The following MAGED1 variants were observed in gnomAD, a reference collection of about 807,000 sequenced individuals.
MAGED1 encodes MAGE family member D1, also known as melanoma-associated antigen D1.
MAGED1 carries 3 observed loss-of-function variants against 54.1 expected under a neutral mutation model. The observed-to-expected ratio is 0.06, with a 90% CI of 0.03 to 0.14. MAGED1 has a LOEUF of 0.14. Among genes scored for constraint, MAGED1 ranks in the 10% least tolerant of loss-of-function variants. The pLI is 1.00. For synonymous variants in MAGED1, 217 were observed against 227.3 expected (o/e 0.95, Z 0.41); for missense variants, 485 against 623.4 (o/e 0.78, Z 2.36).
intron 1 of MAGED1, among the ~76,000 whole-genome samples, chrX:51,855,403 G>C (rs1391847035): frequency 9.0e-6 from 1 of 110,898 alleles, no homozygotes; most frequent in Non-Finnish European, 1.9e-5. Flanking sequence ...TGTATCATTT[G>C]CTAGGACTGT....
intron 1 of MAGED1, among the ~76,000 whole-genome samples, chrX:51,826,977 C>T (rs1925872342): frequency 8.9e-6 from 1 of 112,414 alleles, no homozygotes; most frequent in Non-Finnish European, 1.9e-5. Context: ...TAGAAACAAT[C>T]AAGATGTCCT....
chrX:51,880,532 G>A (rs782418374), intron 1 of MAGED1, among the ~76,000 whole-genome samples: 9 of 111,674 alleles, frequency 8.1e-5, no homozygotes, highest in South Asian at 3.8e-4. Context: ...CCTGCATACC[G>A]GAGTTTGTCA....
intron 1 of MAGED1, among the ~76,000 whole-genome samples, chrX:51,824,171 C>T (rs1335164435): frequency 9.0e-6 from 1 of 111,601 alleles, no homozygotes; most frequent in African/African-American, 3.3e-5. Flanking sequence ...GACTGAAGGA[C>T]TTCCTTTAGT....
At chrX:51,868,586 T>A (rs1223408095) in intron 1 of MAGED1, among the ~76,000 whole-genome samples, 1 of 111,504 alleles carries the variant, frequency 9.0e-6, no homozygotes, top group Non-Finnish European at 1.9e-5. Flanking sequence ...GAGATCAGAA[T>A]GTATGTGACA....
chrX:51,894,856 CT>C, intron 2 of MAGED1, 196 bp from the exon 3 acceptor site: 2 of 1,083,955 alleles, frequency 1.8e-6, no homozygotes, highest in Non-Finnish European at 1.2e-6. Context: ...TACTTCACCC[CT>C]GCCACATGTT....
Position 51,897,026 on chromosome X carries a change from A to G in MAGED1, c.1371A>G (p.Ser457=), listed in dbSNP as rs781885812. The G allele has an allele frequency of 8.3e-6, 10 of 1,211,433 alleles. No homozygotes were observed. In the South Asian group the frequency reaches 1.6e-4, roughly 19 times the overall value. ...GCCCTTCTCCCAACTCGCGTGCCTC[A>G]CAGAACCCAGGTGCTGCACAGCCCC... The part of the protein sequence containing the change: ...NLRPSPNSRA[S]QNPGAAQPRD... The change falls in exon 4 of 13, where the codon TCA becomes TCG. Residue 457 remains serine (S), a synonymous_variant. Transcript: ENST00000326587.
chrX:51,828,086 T>A (rs1253876234), intron 1 of MAGED1, among the ~76,000 whole-genome samples: 2 of 112,299 alleles, frequency 1.8e-5, no homozygotes, highest in African/African-American at 6.5e-5. Context: ...TGGAATTGTG[T>A]TTATATGGCT....
chrX:51,875,110 T>C (rs969084543), intron 1 of MAGED1, among the ~76,000 whole-genome samples: 1 of 111,371 alleles, frequency 9.0e-6, no homozygotes, highest in African/African-American at 3.3e-5. Context: ...TTTTCCACTT[T>C]AGCTGGTGAG....
At chrX:51,876,230 C>G (rs2049457969) in intron 1 of MAGED1, among the ~76,000 whole-genome samples, 1 of 108,959 alleles carries the variant, frequency 9.2e-6, no homozygotes, top group Non-Finnish European at 1.9e-5. Context: ...GATGGTCTTT[C>G]TTTCTTTTTT....
At chrX:51,812,734 G>A (rs1008775390) in intron 1 of MAGED1, among the ~76,000 whole-genome samples, 4 of 110,903 alleles carry the variant, frequency 3.6e-5, no homozygotes, top group Middle Eastern at 4.7e-3. Context: ...TCTGGTATAC[G>A]TTTTTGTGCA....
Position 51,901,784 on chromosome X carries a change from C to T in MAGED1, c.2191C>T (p.Pro731Ser). The stretch of plus-strand genomic sequence containing the variant: ...TTTTGGAGATCCCTGGTCCAGAATT[C>T]CATTTACCTTCTGGGCCAGATACCA... ...GDFGDPWSRI[P>S]FTFWARYHQN... Residue 731 changes from proline to serine, a missense_variant, in exon 12 of 13, where the codon CCA becomes TCA. By Grantham distance (74) the Pro-to-Ser change is moderately conservative. Coordinates refer to ENST00000326587, the MANE Select transcript of MAGED1 (RefSeq NM_006986.4). 3 of 1,211,539 alleles carry T rather than the reference C, an allele frequency of 2.5e-6. No homozygotes were observed. Among genetic ancestry groups the T allele is most frequent in the Non-Finnish European group, 3.4e-6 (3 of 895,485 alleles).
intron 1 of MAGED1, among the ~76,000 whole-genome samples, chrX:51,831,116 CA>C (rs782429983): frequency 2.7e-5 from 3 of 112,014 alleles, no homozygotes; most frequent in Non-Finnish European, 5.6e-5. Context: ...CTCGGCCTTC[CA>C]AAGTGCTGGG....
chrX:51,889,515 T>C (rs782781742), upstream of MAGED1, among the ~76,000 whole-genome samples: 9 of 106,339 alleles, frequency 8.5e-5, no homozygotes, highest in East Asian at 2.4e-3. Context: ...GTAATCCCAG[T>C]TACTCGGGAG....
At chrX:51,848,187 G>A (rs2146976580) in intron 1 of MAGED1, among the ~76,000 whole-genome samples, 1 of 111,177 alleles carries the variant, frequency 9.0e-6, no homozygotes, top group African/African-American at 3.3e-5. Flanking sequence ...TCTGTGATTT[G>A]CCACTTTACA....
intron 1 of MAGED1, among the ~76,000 whole-genome samples, chrX:51,831,152 C>T (rs781815448): frequency 6.2e-5 from 7 of 112,108 alleles, no homozygotes; most frequent in Non-Finnish European, 1.1e-4. Context: ...CCACTGCACC[C>T]GGCCTTCTTG....
At chrX:51,872,144 T>A (rs1927703435) in intron 1 of MAGED1, among the ~76,000 whole-genome samples, 1 of 111,957 alleles carries the variant, frequency 8.9e-6, no homozygotes, top group Non-Finnish European at 1.9e-5. Context: ...TCTTGTAAAT[T>A]TGTTTGAGTT....
intron 1 of MAGED1, among the ~76,000 whole-genome samples, chrX:51,866,487 C>G (rs1329900682): frequency 9.0e-6 from 1 of 111,726 alleles, no homozygotes; most frequent in African/African-American, 3.3e-5. Flanking sequence ...AATATTTAGG[C>G]CTAGTCACCT....
At chrX:51,874,885 G>A (rs1004843839) in intron 1 of MAGED1, among the ~76,000 whole-genome samples, 2 of 109,849 alleles carry the variant, frequency 1.8e-5, no homozygotes, top group Non-Finnish European at 3.8e-5. Context: ...AAATTTTGGT[G>A]AAATTTTTTC....
rs1925038688 is a variant in MAGED1, at chrX:51,806,432, C to CT, written c.-37+3318dup. On this transcript the variant is annotated intron_variant, in intron 1 of 12. Coordinates refer to the MAGED1 transcript ENST00000375772. ...AATAATAATTTTGTCTGTTTTTAAA[C>CT]TTTAAAAAGTAACACAGTTTGTGTT... Among the ~76,000 whole-genome samples the CT allele has an allele frequency of 2.7e-5, 3 of 111,965 alleles. No individual in the cohort carries two copies. In the Admixed American group the frequency reaches 2.8e-4, roughly 11 times the overall value.
Sources: gnomAD v4.1 joint callset for allele counts (sites outside exome capture counted in the v4.1 genomes callset) on GRCh38, gnomAD v4.1.1 for gene constraint, MANE v1.5 for transcripts, NCBI Gene and HGNC (gene_info 2026-07-23, HGNC 2026-07-21) for gene names.